Variants in FAM107B observed in about 807,000 individuals in gnomAD.
FAM107B encodes the protein family with sequence similarity 107 member B, also known as protein FAM107B.
Under a neutral mutation model 31.5 loss-of-function variants are expected in FAM107B, and 21 were observed. The observed-to-expected ratio is 0.67, with a 90% confidence interval of 0.47 to 0.96. FAM107B has a LOEUF of 0.96. Among genes scored for constraint, FAM107B ranks in the 40% least tolerant of loss-of-function variants. FAM107B has a pLI of 0.00. For synonymous variants in FAM107B, 157 were observed against 141.5 expected (o/e 1.11, Z -0.78); for missense variants, 452 against 377.1 (o/e 1.20, Z -1.64).
intron 2 of FAM107B, among the ~76,000 whole-genome samples, chr10:14,649,591 A>G (rs1853848111): frequency 6.6e-6 from 1 of 152,226 alleles, no homozygotes; most frequent in African/African-American, 2.4e-5. Context: ...ACTTTCAAGC[A>G]CTTGCCAATC....
chr10:14,764,004 G>A (rs997144871), intron 1 of FAM107B, among the ~76,000 whole-genome samples: 1 of 152,192 alleles, frequency 6.6e-6, no homozygotes, highest in Non-Finnish European at 1.5e-5. Context: ...AGGAATTCCT[G>A]GTGGCCTGCA....
At chr10:14,575,401 C>T (rs1851434438) in intron 2 of FAM107B, among the ~76,000 whole-genome samples, 2 of 152,112 alleles carry the variant, frequency 1.3e-5, no homozygotes, top group Admixed American at 6.5e-5. Context: ...AGGCATTTCA[C>T]CATGTTGGCC....
chr10:14,527,127 A>G (rs1846345550), intron 3 of FAM107B, among the ~76,000 whole-genome samples: 1 of 150,858 alleles, frequency 6.6e-6, no homozygotes, highest in African/African-American at 2.4e-5. Context: ...GTGAGCCACC[A>G]CACCCAGCCC....
chr10:14,536,435 C>A (rs1220581387), intron 2 of FAM107B, among the ~76,000 whole-genome samples: 1 of 152,130 alleles, frequency 6.6e-6, no homozygotes, highest in Non-Finnish European at 1.5e-5. Context: ...CCTGAGAAAC[C>A]CAAGTTACGT....
chr10:14,536,841 C>T (rs543916442), intron 2 of FAM107B, among the ~76,000 whole-genome samples: 3 of 152,248 alleles, frequency 2.0e-5, no homozygotes, highest in Non-Finnish European at 2.9e-5. Flanking sequence ...AAAACAATGA[C>T]GAACTCAATA....
intron 2 of FAM107B, among the ~76,000 whole-genome samples, chr10:14,659,247 C>G (rs185811611): frequency 1.4e-4 from 22 of 152,190 alleles, no homozygotes; most frequent in African/African-American, 5.1e-4. Flanking sequence ...TTGAGACCAG[C>G]CTCACCAACA....
intron 1 of FAM107B, among the ~76,000 whole-genome samples, chr10:14,725,096 A>G (rs541645448): frequency 6.6e-6 from 1 of 152,328 alleles, no homozygotes; most frequent in East Asian, 1.9e-4. Context: ...TGAGGACCAG[A>G]TGCCTTTGGG....
intron 2 of FAM107B, among the ~76,000 whole-genome samples, chr10:14,553,934 G>T (rs924591032): frequency 1.3e-5 from 2 of 152,012 alleles, no homozygotes; most frequent in Admixed American, 6.6e-5. Flanking sequence ...CTTCAAACAG[G>T]CTGACTCGTT....
chr10:14,690,849 G>C (rs1320967873), intron 1 of FAM107B, among the ~76,000 whole-genome samples: 1 of 152,198 alleles, frequency 6.6e-6, no homozygotes, highest in Non-Finnish European at 1.5e-5. Flanking sequence ...ACAGATCAGG[G>C]AGAACAGGAT....
intron 3 of FAM107B, among the ~76,000 whole-genome samples, chr10:14,524,415 T>A (rs1187952060): frequency 6.6e-6 from 1 of 152,090 alleles, no homozygotes. Flanking sequence ...CAATTTTCAT[T>A]AGCAGAACTT....
chr10:14,658,876 C>T (rs553589643), intron 2 of FAM107B, among the ~76,000 whole-genome samples: 6 of 151,924 alleles, frequency 3.9e-5, no homozygotes, highest in Non-Finnish European at 8.8e-5. Flanking sequence ...TAGAAGGGGA[C>T]GACAGACAAA....
intron 2 of FAM107B, among the ~76,000 whole-genome samples, chr10:14,601,472 G>C (rs1852396220): frequency 1.3e-5 from 2 of 152,084 alleles, no homozygotes; most frequent in Admixed American, 6.5e-5. Context: ...TTAGACAAGG[G>C]AACTATACAA....
chr10:14,702,454 C>T (rs942073910), intron 1 of FAM107B, among the ~76,000 whole-genome samples: 1 of 152,174 alleles, frequency 6.6e-6, no homozygotes, highest in Admixed American at 6.5e-5. Flanking sequence ...TCAAGCGATT[C>T]TCCCGCCTCA....
At chr10:14,582,375 C>CTTTTTTTTTTT (rs71388188) in intron 2 of FAM107B, among the ~76,000 whole-genome samples, 1 of 112,084 alleles carries the variant, frequency 8.9e-6, no homozygotes, top group Non-Finnish European at 1.7e-5. Context: ...TTTTTCTTTT[C>CTTTTTTTTTTT]TTTTTTTTTT....
intron 2 of FAM107B, among the ~76,000 whole-genome samples, chr10:14,569,243 CAG>C (rs1198387598): frequency 6.6e-6 from 1 of 152,078 alleles, no homozygotes; most frequent in Non-Finnish European, 1.5e-5. Flanking sequence ...CATGGGTTTG[CAG>C]ATATAACTGC....
chr10:14,565,594 T>C (rs909693486), intron 2 of FAM107B, among the ~76,000 whole-genome samples: 1 of 152,192 alleles, frequency 6.6e-6, no homozygotes, highest in South Asian at 2.1e-4. Context: ...TGCAAGACTA[T>C]AAAGGATGCA....
intron 2 of FAM107B, among the ~76,000 whole-genome samples, chr10:14,660,341 C>T (rs991254386): frequency 2.0e-5 from 3 of 151,986 alleles, no homozygotes; most frequent in African/African-American, 7.3e-5. Flanking sequence ...TTGAAGCCAA[C>T]GTTTTTCAAA....
At chr10:14,551,634 A>C (rs1034643221) in intron 2 of FAM107B, among the ~76,000 whole-genome samples, 4 of 151,236 alleles carry the variant, frequency 2.6e-5, no homozygotes, top group Non-Finnish European at 4.4e-5. Context: ...TCATCTATGA[A>C]TCTTTAGAAT....
chr10:14,565,339 T>G (rs932271833), intron 2 of FAM107B, among the ~76,000 whole-genome samples: 1 of 152,016 alleles, frequency 6.6e-6, no homozygotes, highest in African/African-American at 2.4e-5. Context: ...GAGCATTTGA[T>G]GAAATGCAGT....
Sources: gnomAD v4.1 joint callset for allele counts (sites outside exome capture counted in the v4.1 genomes callset) on GRCh38, gnomAD v4.1.1 for gene constraint, MANE v1.5 for transcripts, NCBI Gene and HGNC (gene_info 2026-07-23, HGNC 2026-07-21) for gene names.